EIPR1: variants seen among roughly 807,000 people sequenced by gnomAD.
EIPR1 encodes EARP and GARP complex-interacting protein 1.
A neutral mutation model predicts 48.1 loss-of-function variants in EIPR1; 25 were observed. The observed-to-expected ratio is 0.52, with a 90% CI of 0.38 to 0.73. The LOEUF (loss-of-function observed/expected upper bound fraction) is 0.73. Ranked by LOEUF, EIPR1 falls within the 30% of genes least tolerant of loss-of-function variation. EIPR1 has a pLI of 0.00. For synonymous variants in EIPR1, 204 were observed against 201.9 expected (o/e 1.01, Z -0.09); for missense variants, 415 against 506.2 (o/e 0.82, Z 1.73).
chr2:3,335,074 G>C lies in EIPR1; in HGVS notation c.259+2943C>G, dbSNP rs62119493. On this transcript the variant is annotated intron_variant, in intron 3 of 8. Coordinates refer to ENST00000382125, the MANE Select transcript of EIPR1 (RefSeq NM_003310.5). Reference sequence around the variant, plus strand: ...GGGAGCAGCTGAGGGTGGTCCCAGCGGACAGCCAGGAAACAAGCCTGCATC... The same window carrying C: ...GGGAGCAGCTGAGGGTGGTCCCAGCCGACAGCCAGGAAACAAGCCTGCATC... Among the ~76,000 whole-genome samples the C allele has an allele frequency of 9.3e-3, 1,416 of 152,186 alleles. 14 individuals are homozygous for C. Among genetic ancestry groups the C allele is most frequent in the South Asian group, 0.027 (132 of 4,820 alleles).
intron 3 of EIPR1, among the ~76,000 whole-genome samples, chr2:3,311,597 A>T (rs1316853350): frequency 2.0e-5 from 3 of 152,196 alleles, no homozygotes; most frequent in Non-Finnish European, 4.4e-5. Context: ...CAGGCCAGAC[A>T]TTCTCCCTAC....
chr2:3,332,341 G>A (rs1264704088), intron 3 of EIPR1, among the ~76,000 whole-genome samples: 1 of 152,230 alleles, frequency 6.6e-6, no homozygotes, highest in Non-Finnish European at 1.5e-5. Context: ...GAGGTGACTG[G>A]AAGTACCCGG....
intron 4 of EIPR1, among the ~76,000 whole-genome samples, chr2:3,234,648 C>A (rs1193728645): frequency 6.6e-6 from 1 of 152,274 alleles, no homozygotes; most frequent in African/African-American, 2.4e-5. Flanking sequence ...GCAGCCCCTG[C>A]GTCACTACAG....
intron 3 of EIPR1, among the ~76,000 whole-genome samples, chr2:3,260,417 G>A (rs1248602358): frequency 2.0e-5 from 3 of 149,660 alleles, no homozygotes; most frequent in African/African-American, 7.4e-5. Flanking sequence ...CTTGAATCTG[G>A]GGGGTGGAGG....
chr2:3,200,720 A>C (rs1413330839), intron 5 of EIPR1, among the ~76,000 whole-genome samples: 2 of 152,056 alleles, frequency 1.3e-5, no homozygotes, highest in African/African-American at 4.8e-5. Flanking sequence ...GGCAGGATTA[A>C]GCTTGAGTCA....
intron 5 of EIPR1, among the ~76,000 whole-genome samples, chr2:3,201,775 G>A (rs1363162511): frequency 1.3e-5 from 2 of 152,178 alleles, no homozygotes; most frequent in Non-Finnish European, 2.9e-5. Context: ...ATGGAATACA[G>A]TTTCCTAAAG....
chr2:3,313,137 A>C (rs561555501), intron 3 of EIPR1, among the ~76,000 whole-genome samples: 97 of 152,170 alleles, frequency 6.4e-4, no homozygotes, highest in Non-Finnish European at 1.3e-3. Flanking sequence ...CACAGTGCCA[A>C]AGCTGCGATG....
intron 3 of EIPR1, chr2:3,298,420 C>T (rs1350448548): frequency 6.6e-6 from 1 of 152,124 alleles, no homozygotes; most frequent in Non-Finnish European, 1.5e-5. Flanking sequence ...CAGATTACAT[C>T]TATTGCTTCC....
intron 4 of EIPR1, among the ~76,000 whole-genome samples, chr2:3,220,315 C>T (rs6716274): frequency 0.92 from 138,463 of 151,260 alleles, 63,677 homozygotes; most frequent in East Asian, 0.97. Context: ...AGAGCATTCA[C>T]AGTGAGTCGG....
chr2:3,271,317 G>A (rs1384736137), intron 3 of EIPR1, among the ~76,000 whole-genome samples: 1 of 152,132 alleles, frequency 6.6e-6, no homozygotes, highest in African/African-American at 2.4e-5. Context: ...AATCGCAAAT[G>A]TTCTTAATGG....
At chr2:3,247,063 G>A (rs1297909870) in intron 4 of EIPR1, among the ~76,000 whole-genome samples, 1 of 44,846 alleles carries the variant, frequency 2.2e-5, no homozygotes, top group African/African-American at 1.2e-4. Context: ...GAGGGAGGGA[G>A]AGAGGGAGGG....
intron 3 of EIPR1, chr2:3,319,622 G>A (rs780667087): frequency 3.0e-5 from 5 of 163,952 alleles, no homozygotes; most frequent in African/African-American, 4.9e-5. Context: ...GGCTACAGTC[G>A]AGGCTGTTCT....
intron 3 of EIPR1, among the ~76,000 whole-genome samples, chr2:3,311,901 T>G (rs1669142711): frequency 6.6e-6 from 1 of 152,174 alleles, no homozygotes; most frequent in African/African-American, 2.4e-5. Context: ...GGGGTCCCTG[T>G]GCAGTGTCGG....
intron 8 of EIPR1, among the ~76,000 whole-genome samples, chr2:3,191,194 C>T (rs557924445): frequency 5.3e-5 from 7 of 131,378 alleles, no homozygotes; most frequent in Non-Finnish European, 1.7e-5. Context: ...TCAGATGGGC[C>T]CATCGCCACT....
intron 3 of EIPR1, among the ~76,000 whole-genome samples, chr2:3,279,801 C>T (rs1667964414): frequency 6.6e-6 from 1 of 152,230 alleles, no homozygotes; most frequent in Admixed American, 6.5e-5. Flanking sequence ...CGAAGTTACA[C>T]ACAACCCAGG....
At chr2:3,264,638 C>G (rs1385090416) in intron 3 of EIPR1, among the ~76,000 whole-genome samples, 1 of 152,206 alleles carries the variant, frequency 6.6e-6, no homozygotes, top group African/African-American at 2.4e-5. Context: ...CACAAGAAGA[C>G]AACCTCACCC....
At chr2:3,297,287 G>A (rs1006850422) in intron 3 of EIPR1, among the ~76,000 whole-genome samples, 3 of 152,244 alleles carry the variant, frequency 2.0e-5, no homozygotes, top group African/African-American at 7.2e-5. Flanking sequence ...GAGTATAAAA[G>A]AAGGCTGAGT....
chr2:3,348,681 G>A (rs895765475), intron 2 of EIPR1, among the ~76,000 whole-genome samples: 1 of 152,238 alleles, frequency 6.6e-6, no homozygotes, highest in African/African-American at 2.4e-5. Context: ...CAGAAAGATA[G>A]CGCAGCTGCA....
rs1668182617 is a variant in EIPR1, at chr2:3,286,273, C to T, written c.260-28818G>A. Among the ~76,000 whole-genome samples, 1 of 152,180 alleles carries T rather than the reference C, an allele frequency of 6.6e-6. No individual in the cohort carries two copies. The highest frequency in any genetic ancestry group is 2.1e-4 in the South Asian group (1 of 4,826). On this transcript the variant is annotated intron_variant, in intron 3 of 8. Transcript: ENST00000382125. This position sits in a 1 kb window ranked among gnomAD's most constrained non-coding sequence, Gnocchi z 4.2. ...CCTCATTTACAAACCCAGGGTGATTCGACAACTGCCGTCACCGTGCCTGCC... is the reference window on the plus strand; with the variant it reads ...CCTCATTTACAAACCCAGGGTGATTTGACAACTGCCGTCACCGTGCCTGCC...
Sources: gnomAD v4.1 joint callset for allele counts (sites outside exome capture counted in the v4.1 genomes callset) on GRCh38, gnomAD v4.1.1 for gene constraint, Gnocchi (gnomAD v3.1) non-coding constraint, MANE v1.5 for transcripts, NCBI Gene and HGNC (gene_info 2026-07-23, HGNC 2026-07-21) for gene names.